The following ERBB4 variants were observed in gnomAD, a reference collection of about 807,000 sequenced individuals.
ERBB4 encodes erb-b2 receptor tyrosine kinase 4, also known as receptor tyrosine-protein kinase erbB-4.
A neutral mutation model predicts 158.0 loss-of-function variants in ERBB4; 42 were observed. That is an observed-to-expected ratio of 0.27 (90% CI 0.21 to 0.34). The LOEUF is 0.34. ERBB4 is among the 10% of genes least tolerant of loss of function. The pLI, the probability that ERBB4 is intolerant of heterozygous loss-of-function variation, is 1.00. For missense variants in ERBB4, 1,333 were observed against 1,624.1 expected, an observed-to-expected ratio of 0.82 and a Z score of 3.08; for synonymous variants, 583 against 558.7, an observed-to-expected ratio of 1.04 and a Z score of -0.61.
intron 1 of ERBB4, among the ~76,000 whole-genome samples, chr2:212,208,156 AT>A (rs2105919795): frequency 6.6e-6 from 1 of 152,242 alleles, no homozygotes; most frequent in African/African-American, 2.4e-5. Flanking sequence ...AAAGAGAAAA[AT>A]GAACTAATTG....
intron 1 of ERBB4, among the ~76,000 whole-genome samples, chr2:212,136,163 A>G (rs2080265285): frequency 6.6e-6 from 1 of 152,232 alleles, no homozygotes; most frequent in Admixed American, 6.5e-5. Flanking sequence ...AGAATTTACA[A>G]GAAGGAATTA....
chr2:211,784,521 G>C (rs985833146), intron 4 of ERBB4, among the ~76,000 whole-genome samples: 2 of 152,074 alleles, frequency 1.3e-5, no homozygotes, highest in African/African-American at 4.8e-5. Flanking sequence ...CATTTGGGTT[G>C]CTTCCACCTC....
intron 4 of ERBB4, among the ~76,000 whole-genome samples, chr2:211,754,992 C>A (rs1559489174): frequency 6.6e-6 from 1 of 152,098 alleles, no homozygotes. Flanking sequence ...TGAGCCACTG[C>A]GCCCGGCCTG....
chr2:211,622,166 T>C (rs2069629326), intron 18 of ERBB4, among the ~76,000 whole-genome samples: 1 of 152,188 alleles, frequency 6.6e-6, no homozygotes, highest in Admixed American at 6.5e-5. Flanking sequence ...TAGAAATGAG[T>C]ACAGATTAAA....
At chr2:211,777,863 A>G (rs2075924420) in intron 4 of ERBB4, 1 of 152,224 alleles carries the variant, frequency 6.6e-6, no homozygotes, top group Non-Finnish European at 1.5e-5. Context: ...TATAACTTAG[A>G]AATTTAGTTT....
intron 3 of ERBB4, among the ~76,000 whole-genome samples, chr2:211,834,901 C>A (rs961660144): frequency 6.6e-6 from 1 of 152,036 alleles, no homozygotes; most frequent in Admixed American, 6.6e-5. Flanking sequence ...GACCAAATTT[C>A]AAATGGTAAA....
intron 1 of ERBB4, among the ~76,000 whole-genome samples, chr2:212,325,641 C>CTT: frequency 6.6e-6 from 1 of 150,612 alleles, no homozygotes; most frequent in East Asian, 2.0e-4. Context: ...GTACCAGCTG[C>CTT]TTGTTTGGTG....
At chr2:211,521,329 C>T (rs1397897879) in intron 20 of ERBB4, among the ~76,000 whole-genome samples, 1 of 152,078 alleles carries the variant, frequency 6.6e-6, no homozygotes, top group African/African-American at 2.4e-5. Flanking sequence ...TGGTCTAGAT[C>T]GATCAAACCA....
intron 23 of ERBB4, among the ~76,000 whole-genome samples, chr2:211,423,206 T>C (rs1302630292): frequency 3.3e-5 from 5 of 151,972 alleles, no homozygotes; most frequent in Admixed American, 1.3e-4. Flanking sequence ...CAACTAAATA[T>C]TGAGTAAATA....
chr2:212,338,401 G>A (rs1025008230), intron 1 of ERBB4, among the ~76,000 whole-genome samples: 1 of 152,054 alleles, frequency 6.6e-6, no homozygotes, highest in African/African-American at 2.4e-5. Context: ...GCATATACAA[G>A]GCAACATTAA....
At chr2:212,195,018 C>T (rs1477771282) in intron 1 of ERBB4, among the ~76,000 whole-genome samples, 1 of 151,776 alleles carries the variant, frequency 6.6e-6, no homozygotes, top group African/African-American at 2.4e-5. Flanking sequence ...CATGGATTGC[C>T]CTCATGCTAC....
At chr2:212,526,687 ACTCT>A (rs1692467148) in intron 1 of ERBB4, among the ~76,000 whole-genome samples, 1 of 152,002 alleles carries the variant, frequency 6.6e-6, no homozygotes, top group Non-Finnish European at 1.5e-5. Flanking sequence ...AAAGATCTAC[ACTCT>A]CTATTATTTT....
intron 25 of ERBB4, among the ~76,000 whole-genome samples, chr2:211,417,608 T>G (rs1271009218): frequency 6.6e-6 from 1 of 152,236 alleles, no homozygotes; most frequent in Admixed American, 6.5e-5. Context: ...AAACATTGTA[T>G]TTTGAATTGA....
chr2:212,416,031 CACAGGGGCCTGTGTAATTACAT>C, intron 1 of ERBB4, among the ~76,000 whole-genome samples: 1 of 152,248 alleles, frequency 6.6e-6, no homozygotes, highest in Non-Finnish European at 1.5e-5. Context: ...CTCTTCTTAA[CACAGGGGCCTGTGTAATTACAT>C]ACCCACAAAG....
chr2:212,182,878 G>GT (rs1309146992), intron 1 of ERBB4, among the ~76,000 whole-genome samples: 1 of 4,994 alleles, frequency 2.0e-4, no homozygotes, highest in South Asian at 2.7e-3. Context: ...GTTGGGTTGA[G>GT]GTTTTTTTTT....
At chr2:211,562,190 T>G (rs1027824503) in intron 19 of ERBB4, 102 bp from the exon 20 acceptor site, 1 of 924,042 alleles carries the variant, frequency 1.1e-6, no homozygotes, top group Non-Finnish European at 1.7e-6. Context: ...AAAAATGTAC[T>G]CTTACTCAAT....
At chr2:211,728,165 T>A (rs939817538) in intron 5 of ERBB4, among the ~76,000 whole-genome samples, 2 of 151,848 alleles carry the variant, frequency 1.3e-5, no homozygotes, top group Non-Finnish European at 3.0e-5. Flanking sequence ...AACCTTCATC[T>A]TCTTTTTTCT....
chr2:212,032,213 G>A (rs1458061123), intron 2 of ERBB4, among the ~76,000 whole-genome samples: 1 of 152,024 alleles, frequency 6.6e-6, no homozygotes, highest in Non-Finnish European at 1.5e-5. Context: ...GCTATTTAAA[G>A]TAATGTGGTA....
intron 3 of ERBB4, among the ~76,000 whole-genome samples, chr2:211,821,058 C>T: frequency 6.6e-6 from 1 of 151,730 alleles, no homozygotes; most frequent in East Asian, 1.9e-4. Flanking sequence ...AGTAATTTAG[C>T]AAGAGACATA....
Sources: allele counts gnomAD v4.1 joint callset (sites outside exome capture counted in the v4.1 genomes callset), GRCh38; gene constraint gnomAD v4.1.1; transcripts MANE v1.5; gene names NCBI Gene and HGNC (gene_info 2026-07-23, HGNC 2026-07-21).